RAB3B: variants seen among roughly 807,000 people sequenced by gnomAD.
The protein encoded by RAB3B is RAB3B, member RAS oncogene family.
Under a neutral mutation model 20.5 loss-of-function variants are expected in RAB3B, and 11 were observed. The ratio of observed to expected loss-of-function variants is 0.54; its 90% CI spans 0.34 to 0.89. The LOEUF is 0.89. RAB3B is among the 40% of genes least tolerant of loss of function. The probability of loss-of-function intolerance (pLI) is 0.02; values close to 1 mark genes in which losing one functional copy is unlikely to be tolerated. For missense variants in RAB3B, 225 were observed against 280.9 expected (o/e 0.80, Z 1.42); for synonymous variants, 99 against 106.3 (o/e 0.93, Z 0.42).
chr1:51,971,146 C>A (rs1684927639), intron 2 of RAB3B, among the ~76,000 whole-genome samples: 1 of 151,956 alleles, frequency 6.6e-6, no homozygotes, highest in Non-Finnish European at 1.5e-5. Context: ...CATTTAGGCC[C>A]CCTCACCACC....
At chr1:51,930,687 G>T (rs1035212131) in intron 4 of RAB3B, among the ~76,000 whole-genome samples, 2 of 152,176 alleles carry the variant, frequency 1.3e-5, no homozygotes, top group Non-Finnish European at 2.9e-5. Flanking sequence ...CACATGGTAA[G>T]CACCTAATAA....
At chr1:51,936,109 C>CCCAGCACTGG (rs1684400350) in intron 3 of RAB3B, among the ~76,000 whole-genome samples, 1 of 152,184 alleles carries the variant, frequency 6.6e-6, no homozygotes, top group Non-Finnish European at 1.5e-5. Context: ...AGGAGACAAG[C>CCCAGCACTGG]CCAGCACTGG....
At chr1:51,960,691 CA>C (rs2124288964) in intron 2 of RAB3B, among the ~76,000 whole-genome samples, 1 of 152,282 alleles carries the variant, frequency 6.6e-6, no homozygotes, top group Non-Finnish European at 1.5e-5. Context: ...TGGACGTCTT[CA>C]GGGGCAGAGC....
chr1:51,989,093 C>CTG (rs1685186249), intron 1 of RAB3B, among the ~76,000 whole-genome samples: 2 of 58,960 alleles, frequency 3.4e-5, no homozygotes, highest in African/African-American at 1.0e-4. Context: ...GGACACCCAC[C>CTG]TGTGCGCGCG....
At chr1:51,962,351 G>T (rs1684795279) in intron 2 of RAB3B, among the ~76,000 whole-genome samples, 1 of 152,184 alleles carries the variant, frequency 6.6e-6, no homozygotes, top group Non-Finnish European at 1.5e-5. Flanking sequence ...GAAAGCTGCT[G>T]TTCATTGCCA....
chr1:51,974,951 C>T (rs963796574), intron 2 of RAB3B, among the ~76,000 whole-genome samples: 2 of 152,218 alleles, frequency 1.3e-5, no homozygotes, highest in African/African-American at 2.4e-5. Flanking sequence ...TGGTGGCTCA[C>T]GCCTGTAATC....
rs1430898991 is a variant in RAB3B, at chr1:51,933,308, A to T, written c.472+10T>A. On this transcript the variant is annotated intron_variant, in intron 4 of 4. Transcript: ENST00000371655. ...ATGCACACATGCACATACATGTGTC[A>T]TGTACATACCAAGCTGCTCTGCAAG... 6.2e-7 allele frequency: 1 copy of T among 1,613,416 alleles called. No homozygotes were observed. The highest frequency in any genetic ancestry group is 2.2e-5 in the East Asian group (1 of 44,884).
intron 2 of RAB3B, among the ~76,000 whole-genome samples, chr1:51,957,179 G>T (rs1341832075): frequency 6.6e-6 from 1 of 152,156 alleles, no homozygotes; most frequent in Non-Finnish European, 1.5e-5. Flanking sequence ...CAAACCAGGA[G>T]GAAGAAAAAA....
At position 51,918,971 on chromosome 1, in the gene RAB3B, C is replaced by CTTTTTTTT. The variant is rs10525871; in HGVS notation, c.*948_*955dup. ...ATTTTGTAGGGGATAATCCTTTTCTCTTTTTTTTTTTTTTTTTTTTTTTGA... is the reference window on the plus strand; with the variant it reads ...ATTTTGTAGGGGATAATCCTTTTCTCTTTTTTTTTTTTTTTTTTTTTTTTTTTTTTTGA... On this transcript the variant is annotated 3_prime_UTR_variant, in exon 5 of 5. Transcript: ENST00000371655. 7.6e-5 allele frequency: 10 copies of CTTTTTTTT among 132,120 alleles called. No individual in the cohort carries two copies. The highest frequency in any genetic ancestry group is 1.3e-4 in the Non-Finnish European group (8 of 63,270). 8.2% of individuals were successfully genotyped at this position (132,120 alleles called of 1,614,324 possible).
At position 51,987,368 on chromosome 1, in the gene RAB3B, C is replaced by A. The variant is rs537490925; in HGVS notation, c.-1+3184G>T. ...ATCCTGTAAACTTAGGCAAATCACA[C>A]CCCTGGCCTCAGTTTCCTTATCTAT... On this transcript the variant is annotated intron_variant, in intron 1 of 4. Coordinates refer to ENST00000371655, the MANE Select transcript of RAB3B (RefSeq NM_002867.4). Among the ~76,000 whole-genome samples, 4 of 152,300 alleles carry A rather than the reference C, an allele frequency of 2.6e-5. No homozygotes were observed. The South Asian group carries it at 6.2e-4, about 24-fold the overall frequency.
At chr1:51,958,328 G>A (rs896090691) in intron 2 of RAB3B, among the ~76,000 whole-genome samples, 3 of 152,170 alleles carry the variant, frequency 2.0e-5, no homozygotes, top group African/African-American at 7.2e-5. Context: ...GTATAATGAG[G>A]ATGACAAGAC....
chr1:51,909,479 C>T lies in RAB3B; in HGVS notation c.*10448G>A, dbSNP rs1683967853. The T allele has an allele frequency of 6.6e-6, 1 of 152,120 alleles. No homozygotes were observed. Among genetic ancestry groups the T allele is most frequent in the Non-Finnish European group, 1.5e-5 (1 of 68,032 alleles). 9.4% of individuals were successfully genotyped at this position (152,120 alleles called of 1,614,324 possible). On this transcript the variant is annotated 3_prime_UTR_variant, in exon 5 of 5. Coordinates refer to ENST00000371655, the MANE Select transcript of RAB3B (RefSeq NM_002867.4). The stretch of plus-strand genomic sequence containing the variant: ...AAAGTCAGGACTCAAACCCAGGTCT[C>T]TGGAATCCTGGTTTTCTGAATGTCG...
Position 51,908,351 on chromosome 1 carries a change from C to T in RAB3B, c.*11576G>A, listed in dbSNP as rs930994241. Reference sequence around the variant, plus strand: ...ATTGTTCCTCCTGAGGAATTCTGCTCATACTGCTATGGTACATCTCCTAGG... The same window carrying T: ...ATTGTTCCTCCTGAGGAATTCTGCTTATACTGCTATGGTACATCTCCTAGG... On this transcript the variant is annotated 3_prime_UTR_variant, in exon 5 of 5. Coordinates refer to ENST00000371655, the MANE Select transcript of RAB3B (RefSeq NM_002867.4). 15 of 152,100 alleles carry T rather than the reference C, an allele frequency of 9.9e-5. No homozygotes were observed. Among genetic ancestry groups the T allele is most frequent in the African/African-American group, 3.6e-4 (15 of 41,420 alleles). 9.4% of individuals were successfully genotyped at this position (152,100 alleles called of 1,614,324 possible). A position where few individuals can be genotyped will look rare whatever the true frequency, so the allele number is the denominator to read the frequency against.
In RAB3B at chr1:51,916,352, C is replaced by T. The variant is rs1684085081; in HGVS notation, c.*3575G>A. ...TTGACAGTTTTAAAGAAAACGATTT[C>T]ATCTTTGCCTGGATATTCAGTAGGA... On this transcript the variant is annotated 3_prime_UTR_variant, in exon 5 of 5. Coordinates refer to ENST00000371655, the MANE Select transcript of RAB3B (RefSeq NM_002867.4). 6.6e-6 allele frequency: 1 copy of T among 152,200 alleles called. No individual in the cohort carries two copies. The highest frequency in any genetic ancestry group is 6.5e-5 in the Admixed American group (1 of 15,278). The allele number at this position is 152,200 out of a possible 1,614,324, so 9.4% of individuals were successfully genotyped here.
rs113656040 is a variant in RAB3B at position 51,923,365 on chromosome 1, G to T, written c.473-3251C>A. ...AGGGATGCAGGAGAGGGAGAGGCTG[G>T]CAGGGAAGGAGAGGAGGAGGAAGCT... On this transcript the variant is annotated intron_variant, in intron 4 of 4. Transcript: ENST00000371655. Among the ~76,000 whole-genome samples the T allele has an allele frequency of 1.0e-3, 157 of 152,282 alleles. 1 individual carries two copies. Among genetic ancestry groups the T allele is most frequent in the African/African-American group, 3.8e-3 (156 of 41,568 alleles).
rs970145982 is a variant in RAB3B at position 51,918,591 on chromosome 1, G to A, written c.*1336C>T. On this transcript the variant is annotated 3_prime_UTR_variant, in exon 5 of 5. Coordinates refer to ENST00000371655, the MANE Select transcript of RAB3B (RefSeq NM_002867.4). ...GCTCGATACAAGGAAAACTTTCTAT[G>A]AGAGTTGACAAAGATGGTGTGGAAA... 2.6e-5 allele frequency: 4 copies of A among 152,230 alleles called. No individual in the cohort carries two copies. Among genetic ancestry groups the A allele is most frequent in the Non-Finnish European group, 4.4e-5 (3 of 68,050 alleles). The allele number at this position is 152,230 out of a possible 1,614,324, so 9.4% of individuals were successfully genotyped here. A position where few individuals can be genotyped will look rare whatever the true frequency, so the allele number is the denominator to read the frequency against.
chr1:51,921,195 C>T (rs1374663303), intron 4 of RAB3B, among the ~76,000 whole-genome samples: 1 of 152,154 alleles, frequency 6.6e-6, no homozygotes, highest in African/African-American at 2.4e-5. Context: ...TGTCTGTCTG[C>T]TTTCCTCTTT....
intron 4 of RAB3B, among the ~76,000 whole-genome samples, chr1:51,928,106 CT>C (rs1314485598): frequency 8.0e-5 from 12 of 149,586 alleles, no homozygotes; most frequent in South Asian, 4.3e-4. Context: ...CAACACACAG[CT>C]TTTTTTTTTC....
intron 2 of RAB3B, among the ~76,000 whole-genome samples, chr1:51,957,191 C>T (rs2795007): frequency 0.89 from 135,897 of 152,230 alleles, 61,511 homozygotes; most frequent in East Asian, 1. Context: ...AAGAAAAAAA[C>T]GGTGCAGGCC....
Sources: allele counts gnomAD v4.1 joint callset (sites outside exome capture counted in the v4.1 genomes callset), GRCh38; gene constraint gnomAD v4.1.1; transcripts MANE v1.5; gene names NCBI Gene and HGNC (gene_info 2026-07-23, HGNC 2026-07-21).